The following TANC2 variants were observed in gnomAD, a reference collection of about 807,000 sequenced individuals.
TANC2 encodes tetratricopeptide repeat, ankyrin repeat and coiled-coil containing 2.
A neutral mutation model predicts 210.5 loss-of-function variants in TANC2; 26 were observed. The observed-to-expected ratio is 0.12, with a 90% CI of 0.09 to 0.17. The LOEUF (loss-of-function observed/expected upper bound fraction) is 0.17. Ranked by LOEUF, TANC2 falls within the 10% of genes least tolerant of loss-of-function variation. The pLI, the probability that TANC2 is intolerant of heterozygous loss-of-function variation, is 1.00. For missense variants in TANC2, 2,129 were observed against 2,608.9 expected (o/e 0.82, Z 4.01); for synonymous variants, 931 against 967.1 (o/e 0.96, Z 0.69).
At chr17:63,102,115 A>G (rs979521618) in intron 4 of TANC2, among the ~76,000 whole-genome samples, 2 of 152,128 alleles carry the variant, frequency 1.3e-5, no homozygotes, top group Non-Finnish European at 2.9e-5. Context: ...ACCCTGGACA[A>G]CATAATGAGA....
rs776478756 is a variant in TANC2, at chr17:63,379,876, A to G, written c.2691+50A>G. 4.1e-6 allele frequency: 6 copies of G among 1,458,532 alleles called. No homozygotes were observed. The Admixed American group carries it at 5.3e-5, about 13-fold the overall frequency. 90.3% of individuals were successfully genotyped at this position (1,458,532 alleles called of 1,614,324 possible). ...TTTCCGCCATCTCTAGCAGACTTTCATATGCTTTATGTAAGAGACTATTTC... is the reference window on the plus strand; with the variant it reads ...TTTCCGCCATCTCTAGCAGACTTTCGTATGCTTTATGTAAGAGACTATTTC... On this transcript the variant is annotated intron_variant, in intron 15 of 27. Transcript: ENST00000689528.
chr17:63,015,970 A>C (rs1321757280), intron 2 of TANC2, among the ~76,000 whole-genome samples: 2 of 151,344 alleles, frequency 1.3e-5, no homozygotes, highest in South Asian at 2.1e-4. Context: ...TCATTATTCA[A>C]GTATGCTGGT....
chr17:63,418,171 C>T lies in TANC2; in HGVS notation c.4168-136C>T, dbSNP rs1043094196. 35 of 876,230 alleles carry T rather than the reference C, an allele frequency of 4.0e-5. No individual in the cohort carries two copies. The Admixed American group carries it at 8.3e-4, about 21-fold the overall frequency. 54.3% of individuals were successfully genotyped at this position (876,230 alleles called of 1,614,324 possible). A position where few individuals can be genotyped will look rare whatever the true frequency, so the allele number is the denominator to read the frequency against. On this transcript the variant is annotated intron_variant, in intron 26 of 27. Transcript: ENST00000689528. This position sits in a 1 kb window ranked among gnomAD's most constrained non-coding sequence, Gnocchi z 4.6. ...AGTCCACAGGCCACGCGGCTTGAGC[C>T]ATGTCAGGCACGTCTAGCGTCCCAG... is the stretch of plus-strand genomic sequence containing the variant.
intron 5 of TANC2, among the ~76,000 whole-genome samples, chr17:63,176,805 CAA>C (rs60736520): frequency 0.41 from 38,225 of 92,550 alleles, 6,503 homozygotes; most frequent in African/African-American, 0.63. Flanking sequence ...GACTCCATCT[CAA>C]AAAAAAAAAA....
At chr17:63,306,482 T>G (rs2044910473) in intron 9 of TANC2, among the ~76,000 whole-genome samples, 1 of 152,250 alleles carries the variant, frequency 6.6e-6, no homozygotes, top group Non-Finnish European at 1.5e-5. Context: ...CCCCAGACTA[T>G]GTACTGATAC....
chr17:63,420,323 C>T lies in TANC2; in HGVS notation c.4593C>T (p.Pro1531=), dbSNP rs376119467. The T allele has an allele frequency of 8.6e-5, 139 of 1,613,846 alleles. No homozygotes were observed. Among genetic ancestry groups the T allele is most frequent in the Non-Finnish European group, 1.1e-4 (129 of 1,179,870 alleles). The change falls in exon 28 of 28, where the codon CCC becomes CCT. Residue 1531 remains proline (P), a synonymous_variant. Transcript: ENST00000689528. The surrounding 1 kb of genome is among the most constrained non-coding windows in gnomAD (Gnocchi z 4.2). Reference sequence around the variant, plus strand: ...TCATCCAGAGCCCACCCTCCTCTCCCCCGCATCGGGACTCAGCCTACATCT... The same window carrying T: ...TCATCCAGAGCCCACCCTCCTCTCCTCCGCATCGGGACTCAGCCTACATCT...
chr17:63,256,882 T>C (rs1292456543), intron 8 of TANC2, among the ~76,000 whole-genome samples: 1 of 152,216 alleles, frequency 6.6e-6, no homozygotes, highest in Non-Finnish European at 1.5e-5. Flanking sequence ...TGTCTCTTTT[T>C]ATAATTTTTG....
chr17:63,235,565 A>G (rs2042598515), intron 7 of TANC2, among the ~76,000 whole-genome samples: 1 of 151,874 alleles, frequency 6.6e-6, no homozygotes, highest in African/African-American at 2.4e-5. Flanking sequence ...TTAGCCTTTT[A>G]CTTTTTGTGA....
At chr17:63,117,619 G>C (rs148633692) in intron 4 of TANC2, among the ~76,000 whole-genome samples, 1 of 152,190 alleles carries the variant, frequency 6.6e-6, no homozygotes, top group Admixed American at 6.5e-5. Flanking sequence ...TCTGGGCAGC[G>C]TAAAGAGCTG....
rs555824465 is a variant in TANC2, at chr17:63,409,624, G to A, written c.3590-1887G>A. ...TTGTCATTTGTAAACATCATAGAGT[G>A]CACTTACACAATCCTAGATGGTATA... On this transcript the variant is annotated intron_variant, in intron 21 of 27. Coordinates refer to ENST00000689528, the Ensembl canonical transcript of TANC2. Among the ~76,000 whole-genome samples, 302 of 152,264 alleles carry A rather than the reference G, an allele frequency of 2.0e-3. 3 individuals are homozygous for A. The highest frequency in any genetic ancestry group is 6.8e-3 in the African/African-American group (284 of 41,542).
exon 7 of TANC2, chr17:63,200,855 A>G (rs767571631): frequency 1.2e-6 from 2 of 1,613,888 alleles, no homozygotes; most frequent in South Asian, 2.2e-5. Context: ...CCCCTGCTCT[A>G]CACTCCCACC....
rs558244822 is a variant in TANC2, at chr17:63,213,255, T to C, written c.769+12298T>C. Among the ~76,000 whole-genome samples the C allele has an allele frequency of 3.3e-5, 5 of 152,308 alleles. No homozygotes were observed. In the East Asian group the frequency reaches 9.6e-4, roughly 29 times the overall value. ...TAGAATACACAGAGACAAGTACATC[T>C]TAGCCAACTGTGACATGGTACCTAA... On this transcript the variant is annotated intron_variant, in intron 7 of 27. Coordinates refer to ENST00000689528, the Ensembl canonical transcript of TANC2.
At chr17:63,054,546 A>ATT (rs372855287) in intron 2 of TANC2, among the ~76,000 whole-genome samples, 19,845 of 136,902 alleles carry the variant, frequency 0.14, 1,702 homozygotes, top group Middle Eastern at 0.22. Flanking sequence ...TAATTTTTGT[A>ATT]TTTTTTTTTT....
At position 63,319,100 on chromosome 17, in the gene TANC2, G is replaced by A. The variant is rs370679550; in HGVS notation, c.1575+10G>A. 7.1e-5 allele frequency: 115 copies of A among 1,608,436 alleles called. No individual in the cohort carries two copies. The highest frequency in any genetic ancestry group is 8.5e-5 in the Non-Finnish European group (100 of 1,177,218). On this transcript the variant is annotated intron_variant, in intron 11 of 27. Transcript: ENST00000689528. ...AAGACTAGCCTCGCAGGTACAATAT[G>A]ATTCCCACGTTGGGGATATGGTAGT...
chr17:63,106,019 T>G (rs1459138116), intron 4 of TANC2, among the ~76,000 whole-genome samples: 1 of 151,640 alleles, frequency 6.6e-6, no homozygotes, highest in Non-Finnish European at 1.5e-5. Flanking sequence ...ATAGACTAAT[T>G]AAACTATTAG....
chr17:63,314,645 G>T, exon 10 of TANC2: 1 of 1,613,864 alleles, frequency 6.2e-7, no homozygotes, highest in Non-Finnish European at 8.5e-7. Context: ...GATCGCCTCA[G>T]ACAGCCCACA....
At chr17:63,108,950 A>G (rs932546033) in intron 4 of TANC2, among the ~76,000 whole-genome samples, 1 of 151,584 alleles carries the variant, frequency 6.6e-6, no homozygotes, top group Non-Finnish European at 1.5e-5. Flanking sequence ...ATAGGGAGAA[A>G]TTTCTTTTCT....
chr17:63,295,208 A>C (rs1038971137), intron 9 of TANC2, among the ~76,000 whole-genome samples: 1 of 152,196 alleles, frequency 6.6e-6, no homozygotes, highest in African/African-American at 2.4e-5. Flanking sequence ...TTTGGTGTCT[A>C]CAGTTGTTTT....
At chr17:62,984,994 A>G (rs2032497882) in intron 1 of TANC2, among the ~76,000 whole-genome samples, 1 of 152,048 alleles carries the variant, frequency 6.6e-6, no homozygotes, top group African/African-American at 2.4e-5. Flanking sequence ...TTTAAATCTG[A>G]TGTTTCTTTG....
Sources: gnomAD v4.1 joint callset for allele counts (sites outside exome capture counted in the v4.1 genomes callset) on GRCh38, gnomAD v4.1.1 for gene constraint, Gnocchi (gnomAD v3.1) non-coding constraint, MANE v1.5 for transcripts, NCBI Gene and HGNC (gene_info 2026-07-23, HGNC 2026-07-21) for gene names.